Variants in EPHA7 observed in about 807,000 individuals in gnomAD.
The protein encoded by EPHA7 is EPH receptor A7.
In EPHA7, 25 loss-of-function variants were observed where a neutral mutation model predicts 112.6. The observed-to-expected ratio is 0.22, with a 90% CI of 0.16 to 0.31. The LOEUF (loss-of-function observed/expected upper bound fraction) is 0.31. Ranked by LOEUF, EPHA7 falls within the 10% of genes least tolerant of loss-of-function variation. The probability of loss-of-function intolerance (pLI) is 1.00; values close to 1 mark genes in which losing one functional copy is unlikely to be tolerated. For missense variants in EPHA7, 962 were observed against 1,212.6 expected (o/e 0.79, Z 3.07); for synonymous variants, 437 against 406.5 (o/e 1.07, Z -0.90).
intron 3 of EPHA7, among the ~76,000 whole-genome samples, chr6:93,403,315 G>A (rs1778520356): frequency 6.6e-6 from 1 of 151,478 alleles, no homozygotes; most frequent in East Asian, 1.9e-4. Flanking sequence ...TTATTGGAAG[G>A]CTAAGGTGGT....
At chr6:93,358,463 T>TA (rs3215037) in intron 3 of EPHA7, 52 bp from the exon 4 acceptor site, 498 of 1,409,228 alleles carry the variant, frequency 3.5e-4, no homozygotes, top group South Asian at 5.9e-4. Flanking sequence ...AATCGATCTT[T>TA]AAAAAAAAAT....
chr6:93,270,141 A>AT (rs542795059), intron 6 of EPHA7, among the ~76,000 whole-genome samples: 145 of 151,708 alleles, frequency 9.6e-4, no homozygotes, highest in African/African-American at 3.4e-3. Flanking sequence ...TGACATACCA[A>AT]TTTTTTTAAA....
chr6:93,356,177 T>C (rs1169555861), intron 5 of EPHA7, among the ~76,000 whole-genome samples: 3 of 151,868 alleles, frequency 2.0e-5, no homozygotes, highest in African/African-American at 7.3e-5. Context: ...ATTTGTTTTA[T>C]AGCAGTCTTA....
chr6:93,350,418 C>T (rs1489425843), intron 5 of EPHA7, among the ~76,000 whole-genome samples: 3 of 151,968 alleles, frequency 2.0e-5, no homozygotes, highest in African/African-American at 7.2e-5. Context: ...TTTGGGTCAT[C>T]ACTATATAAT....
At chr6:93,267,885 T>C (rs1417303698) in intron 7 of EPHA7, among the ~76,000 whole-genome samples, 3 of 151,686 alleles carry the variant, frequency 2.0e-5, no homozygotes, top group Non-Finnish European at 4.4e-5. Context: ...AATGGTTGGG[T>C]AAATGTGAGA....
intron 5 of EPHA7, among the ~76,000 whole-genome samples, chr6:93,311,112 C>CTTTTTTTTTTTTTTTTTTTTTTT (rs1434719790): frequency 1.4e-5 from 1 of 71,022 alleles, no homozygotes; most frequent in African/African-American, 6.7e-5. Flanking sequence ...TCATGCCCAG[C>CTTTTTTTTTTTTTTTTTTTTTTT]TATTTTTTTT....
chr6:93,385,092 T>C (rs1446523485), intron 3 of EPHA7, among the ~76,000 whole-genome samples: 2 of 152,186 alleles, frequency 1.3e-5, no homozygotes, highest in African/African-American at 4.8e-5. Flanking sequence ...ATTAATACAC[T>C]ATTATATACC....
At chr6:93,333,350 G>A (rs1224740312) in intron 5 of EPHA7, among the ~76,000 whole-genome samples, 6 of 151,674 alleles carry the variant, frequency 4.0e-5, no homozygotes, top group South Asian at 2.1e-4. Context: ...ACGAACATAC[G>A]CATGCATGTC....
At position 93,289,918 on chromosome 6, in the gene EPHA7, C is replaced by A. The variant is rs1279619509; in HGVS notation, c.1325-17496G>T. 2.0e-5 allele frequency among the ~76,000 whole-genome samples: 3 copies of A among 152,018 alleles called. No individual in the cohort carries two copies. In the East Asian group the frequency reaches 5.8e-4, roughly 29 times the overall value. ...GATTTTAGTTTATATATTCCCTTTG[C>A]CTTAAAACCGTTTTGGATGGAAAAG... On this transcript the variant is annotated intron_variant, in intron 5 of 16. Coordinates refer to ENST00000369303, the MANE Select transcript of EPHA7 (RefSeq NM_004440.4).
Position 93,411,136 on chromosome 6 carries a change from G to T in EPHA7, c.197C>A (p.Thr66Asn). ...EEISGLDENY[T>N]PIRTYQVCQV... The stretch of plus-strand genomic sequence containing the variant: ...GCACACCTGGTATGTTCGTATCGGG[G>T]TATAGTTCTCATCCAAACCACTAAT... The change falls in exon 3 of 17, where the codon ACC (threonine) becomes AAC (asparagine). Residue 66 changes from threonine to asparagine, a missense_variant. Thr to Asn is a moderately conservative substitution (Grantham distance 65). Coordinates refer to ENST00000369303, the MANE Select transcript of EPHA7 (RefSeq NM_004440.4). The T allele has an allele frequency of 1.2e-6, 2 of 1,613,552 alleles. No individual in the cohort carries two copies. The highest frequency in any genetic ancestry group is 1.7e-6 in the Non-Finnish European group (2 of 1,179,846).
At chr6:93,260,653 T>C (rs1770645254) in intron 9 of EPHA7, 2 of 976,120 alleles carry the variant, frequency 2.0e-6, no homozygotes, top group Non-Finnish European at 2.4e-6. Context: ...GCAAAATGTA[T>C]AAAGGAAAAT....
At chr6:93,249,339 A>G (rs1477556321) in intron 14 of EPHA7, among the ~76,000 whole-genome samples, 1 of 152,190 alleles carries the variant, frequency 6.6e-6, no homozygotes, top group Non-Finnish European at 1.5e-5. Flanking sequence ...AAAACATTCC[A>G]GTAATAGCAC....
intron 5 of EPHA7, among the ~76,000 whole-genome samples, chr6:93,331,113 A>ATGCT (rs1774571344): frequency 6.6e-6 from 1 of 151,480 alleles, no homozygotes; most frequent in Non-Finnish European, 1.5e-5. Context: ...CCAAATTGTA[A>ATGCT]AATTAGCAAC....
At chr6:93,269,711 T>C (rs1169351396) in intron 6 of EPHA7, 51 bp from the exon 7 acceptor site, 4 of 1,377,150 alleles carry the variant, frequency 2.9e-6, no homozygotes, top group Non-Finnish European at 3.9e-6. Context: ...AACCAGACAA[T>C]TTGACAGCCA....
chr6:93,254,429 T>A (rs1770347198), intron 14 of EPHA7, among the ~76,000 whole-genome samples: 1 of 152,148 alleles, frequency 6.6e-6, no homozygotes, highest in African/African-American at 2.4e-5. Context: ...CCATAGAATT[T>A]ATATTATAAA....
chr6:93,269,376 T>TA lies in EPHA7; in HGVS notation c.1633+100dup. The TA allele has an allele frequency of 4.5e-6, 4 of 893,612 alleles. No individual in the cohort carries two copies. The East Asian group carries it at 8.9e-5, about 20-fold the overall frequency. 55.4% of individuals were successfully genotyped at this position (893,612 alleles called of 1,614,324 possible). ...GTACATATATATTTATTTGTAAATG[T>TA]AAAAATTATGATGGTGCAAATGATC... On this transcript the variant is annotated intron_variant, in intron 7 of 16. Coordinates refer to ENST00000369303, the MANE Select transcript of EPHA7 (RefSeq NM_004440.4).
chr6:93,348,430 C>A (rs1002498018), intron 5 of EPHA7, among the ~76,000 whole-genome samples: 1 of 151,750 alleles, frequency 6.6e-6, no homozygotes, highest in Non-Finnish European at 1.5e-5. Context: ...CTCTGTGCTT[C>A]TACATATTCA....
chr6:93,257,629 G>A (rs1328208625), intron 11 of EPHA7, 106 bp from the exon 12 acceptor site: 2 of 713,620 alleles, frequency 2.8e-6, no homozygotes, highest in Non-Finnish European at 4.7e-6. Context: ...AAGAGTGAGT[G>A]TGAGAAGTAT....
At chr6:93,399,344 T>C (rs1019651909) in intron 3 of EPHA7, among the ~76,000 whole-genome samples, 2 of 152,116 alleles carry the variant, frequency 1.3e-5, no homozygotes, top group Non-Finnish European at 2.9e-5. Flanking sequence ...GTATTCCATA[T>C]GATAAAGAAA....
Sources: gnomAD v4.1 joint callset for allele counts (sites outside exome capture counted in the v4.1 genomes callset) on GRCh38, gnomAD v4.1.1 for gene constraint, MANE v1.5 for transcripts, NCBI Gene and HGNC (gene_info 2026-07-23, HGNC 2026-07-21) for gene names.